Variants in BICD1 observed in about 807,000 individuals in gnomAD.
The protein encoded by BICD1 is protein bicaudal D homolog 1.
In BICD1, 35 loss-of-function variants were observed where a neutral mutation model predicts 92.5. That is an observed-to-expected ratio of 0.38 (90% CI 0.29 to 0.50). BICD1 has a LOEUF of 0.50. Among genes scored for constraint, BICD1 ranks in the 20% least tolerant of loss-of-function variants. The probability of loss-of-function intolerance (pLI) is 0.93; values close to 1 mark genes in which losing one functional copy is unlikely to be tolerated. For synonymous variants in BICD1, 429 were observed against 465.1 expected (o/e 0.92, Z 1.00); for missense variants, 950 against 1,189.8 (o/e 0.80, Z 2.97).
intron 8 of BICD1, chr12:32,339,551 C>A (rs1938277920): frequency 1.0e-6 from 1 of 985,376 alleles, no homozygotes; most frequent in South Asian, 4.7e-5. Context: ...CCAACATGTT[C>A]ACACTTAGCT....
intron 8 of BICD1, among the ~76,000 whole-genome samples, chr12:32,359,200 T>C (rs780976250): frequency 6.6e-6 from 1 of 152,244 alleles, no homozygotes; most frequent in Non-Finnish European, 1.5e-5. Flanking sequence ...TCTGTTCTTA[T>C]TGAAAGGTCT....
chr12:32,360,199 A>G lies in BICD1; in HGVS notation c.2765-7471A>G, dbSNP rs185399744. Among the ~76,000 whole-genome samples the G allele has an allele frequency of 2.9e-3, 441 of 152,020 alleles. 8 individuals are homozygous for G. Among genetic ancestry groups the G allele is most frequent in the Non-Finnish European group, 8.2e-4 (56 of 67,942 alleles). On this transcript the variant is annotated intron_variant, in intron 8 of 9. Coordinates refer to ENST00000652176, the MANE Select transcript of BICD1 (RefSeq NM_001714.4). Reference sequence around the variant, plus strand: ...TCTCAAAAAAAAAAAAGAATATATGAGTTGCCCATTTTCAAAACAGGAAAG... The same window carrying G: ...TCTCAAAAAAAAAAAAGAATATATGGGTTGCCCATTTTCAAAACAGGAAAG...
chr12:32,320,330 A>AC (rs1948617088), intron 4 of BICD1, among the ~76,000 whole-genome samples: 1 of 151,534 alleles, frequency 6.6e-6, no homozygotes, highest in Non-Finnish European at 1.5e-5. Context: ...GCATAGAGAG[A>AC]CCCCATCTCT....
intron 2 of BICD1, among the ~76,000 whole-genome samples, chr12:32,264,645 A>G (rs749647960): frequency 4.5e-4 from 68 of 151,806 alleles, no homozygotes; most frequent in Admixed American, 1.7e-3. Flanking sequence ...GTGCCACCAC[A>G]CCCTCCTAAT....
In BICD1 at chr12:32,305,941, A is replaced by C. The variant is rs1230113779; in HGVS notation, c.824A>C (p.Asp275Ala). The C allele has an allele frequency of 6.2e-7, 1 of 1,614,220 alleles. No individual in the cohort carries two copies. The highest frequency in any genetic ancestry group is 8.5e-7 in the Non-Finnish European group (1 of 1,180,040). ...ISVDGLKFAEDGSEPNNDDKM... is the reference protein window; with the variant it reads ...ISVDGLKFAEAGSEPNNDDKM... ...GTAGATGGACTCAAATTTGCCGAGGATGGGAGTGAACCAAACAATGATGAC... is the reference window on the plus strand; with the variant it reads ...GTAGATGGACTCAAATTTGCCGAGGCTGGGAGTGAACCAAACAATGATGAC... Residue 275 changes from aspartate to alanine, a missense_variant, in exon 4 of 10, where the codon GAT becomes GCT. Coordinates refer to ENST00000652176, the MANE Select transcript of BICD1 (RefSeq NM_001714.4).
At chr12:32,205,044 G>A (rs1346762316) in intron 1 of BICD1, among the ~76,000 whole-genome samples, 2 of 152,164 alleles carry the variant, frequency 1.3e-5, no homozygotes, top group South Asian at 2.1e-4. Flanking sequence ...AGTGCCCAAC[G>A]AGTGCACACA....
At chr12:32,252,664 C>A (rs1185808534) in intron 2 of BICD1, among the ~76,000 whole-genome samples, 1 of 152,112 alleles carries the variant, frequency 6.6e-6, no homozygotes, top group Non-Finnish European at 1.5e-5. Flanking sequence ...GGCCTTATGT[C>A]CTGGAAATCC....
intron 9 of BICD1, among the ~76,000 whole-genome samples, chr12:32,371,306 A>G (rs989391347): frequency 1.3e-5 from 2 of 152,192 alleles, no homozygotes; most frequent in Admixed American, 6.5e-5. Flanking sequence ...TAGATCTGAA[A>G]AGACTCTTTT....
chr12:32,249,677 TTC>T (rs373946317), intron 2 of BICD1, among the ~76,000 whole-genome samples: 8 of 147,252 alleles, frequency 5.4e-5, no homozygotes, highest in African/African-American at 1.5e-4. Flanking sequence ...GAGTTTTCTT[TTC>T]TCTCTCTCTC....
chr12:32,297,832 A>T (rs1407952968), intron 3 of BICD1, among the ~76,000 whole-genome samples: 2 of 148,956 alleles, frequency 1.3e-5, no homozygotes, highest in Non-Finnish European at 3.0e-5. Context: ...TTCCATTAAC[A>T]TATAGCACCT....
In BICD1 at chr12:32,377,649, C is replaced by T. The variant is rs1239934899; in HGVS notation, c.*22C>T. 1 of 1,593,508 alleles carries T rather than the reference C, an allele frequency of 6.3e-7. No homozygotes were observed. The highest frequency in any genetic ancestry group is 1.1e-5 in the South Asian group (1 of 90,672). On this transcript the variant is annotated 3_prime_UTR_variant, in exon 10 of 10. Coordinates refer to ENST00000652176, the MANE Select transcript of BICD1 (RefSeq NM_001714.4). ...CTAGTCTTCATCTCCTGTGGACGAA[C>T]ATCTGGGGTGGAAGTTTTGTAGCCA...
intron 2 of BICD1, among the ~76,000 whole-genome samples, chr12:32,264,148 CA>C (rs759648274): frequency 6.6e-6 from 1 of 152,200 alleles, no homozygotes; most frequent in Non-Finnish European, 1.5e-5. Context: ...ATACCTATCT[CA>C]CAATGCTGTT....
chr12:32,173,164 C>T (rs750823691), intron 1 of BICD1, among the ~76,000 whole-genome samples: 141 of 152,314 alleles, frequency 9.3e-4, no homozygotes, highest in Non-Finnish European at 1.5e-3. Flanking sequence ...TCTCCTGCCT[C>T]AGCCTCCTGA....
chr12:32,166,577 C>T (rs181243453), intron 1 of BICD1, among the ~76,000 whole-genome samples: 4 of 152,252 alleles, frequency 2.6e-5, no homozygotes, highest in Non-Finnish European at 5.9e-5. Context: ...GTCGGTAGTG[C>T]CCAGGCTGAG....
At chr12:32,110,288 C>T (rs1275479352) in intron 1 of BICD1, among the ~76,000 whole-genome samples, 1 of 152,106 alleles carries the variant, frequency 6.6e-6, no homozygotes, top group African/African-American at 2.4e-5. Flanking sequence ...AAATTTTTTT[C>T]CTAGTTATTT....
At chr12:32,162,698 T>A (rs1234899768) in intron 1 of BICD1, among the ~76,000 whole-genome samples, 1 of 152,184 alleles carries the variant, frequency 6.6e-6, no homozygotes, top group Non-Finnish European at 1.5e-5. Flanking sequence ...AATTAAAATT[T>A]GAGGTTGGGT....
At chr12:32,175,984 T>C (rs1260297315) in intron 1 of BICD1, among the ~76,000 whole-genome samples, 1 of 152,234 alleles carries the variant, frequency 6.6e-6, no homozygotes, top group Non-Finnish European at 1.5e-5. Context: ...TGGTACCATA[T>C]GTGAACTTTT....
chr12:32,375,852 A>G (rs996687087), intron 9 of BICD1, among the ~76,000 whole-genome samples: 4 of 152,198 alleles, frequency 2.6e-5, no homozygotes, highest in African/African-American at 9.7e-5. Context: ...TGACTCCATT[A>G]CATTTTAAAC....
chr12:32,276,816 T>G (rs575599154), intron 2 of BICD1, among the ~76,000 whole-genome samples: 10 of 152,358 alleles, frequency 6.6e-5, no homozygotes, highest in African/African-American at 1.9e-4. Flanking sequence ...TTTCAGCTTT[T>G]ATTTTAGATA....
Sources: gnomAD v4.1 joint callset for allele counts (sites outside exome capture counted in the v4.1 genomes callset) on GRCh38, gnomAD v4.1.1 for gene constraint, MANE v1.5 for transcripts, NCBI Gene and HGNC (gene_info 2026-07-23, HGNC 2026-07-21) for gene names.